The following HPSE2 variants were observed in gnomAD, a reference collection of about 807,000 sequenced individuals.
The protein encoded by HPSE2 is heparanase 2 (inactive).
Under a neutral mutation model 60.5 loss-of-function variants are expected in HPSE2, and 38 were observed. That is an observed-to-expected ratio of 0.63 (90% CI 0.48 to 0.82). The LOEUF is 0.82. Ranked by LOEUF, HPSE2 falls within the 40% of genes least tolerant of loss-of-function variation. The probability of loss-of-function intolerance (pLI) is 0.00; values close to 1 mark genes in which losing one functional copy is unlikely to be tolerated. For synonymous variants in HPSE2, 295 were observed against 293.2 expected, an observed-to-expected ratio of 1.01 and a Z score of -0.06; for missense variants, 713 against 740.4, an observed-to-expected ratio of 0.96 and a Z score of 0.43.
intron 9 of HPSE2, among the ~76,000 whole-genome samples, chr10:98,520,114 T>C (rs1942737725): frequency 6.6e-6 from 1 of 152,204 alleles, no homozygotes; most frequent in African/African-American, 2.4e-5. Flanking sequence ...CTGAAATGGC[T>C]ACAATGTGTG....
chr10:98,593,967 A>C (rs780266282), intron 9 of HPSE2, among the ~76,000 whole-genome samples: 7 of 152,190 alleles, frequency 4.6e-5, no homozygotes, highest in Non-Finnish European at 7.3e-5. Flanking sequence ...ATACTATTTA[A>C]ATATCTTTCA....
chr10:98,664,233 T>C (rs1947299813), intron 6 of HPSE2, among the ~76,000 whole-genome samples: 1 of 152,068 alleles, frequency 6.6e-6, no homozygotes. Context: ...TGGGCACAAC[T>C]GTGTTACCCT....
chr10:99,002,641 G>A (rs915626293), intron 3 of HPSE2, among the ~76,000 whole-genome samples: 8 of 152,022 alleles, frequency 5.3e-5, no homozygotes, highest in African/African-American at 1.9e-4. Context: ...AGCCTAAAGA[G>A]ACATGATGAC....
chr10:98,860,326 C>G lies in HPSE2; in HGVS notation c.611-116270G>C, dbSNP rs144239515. 6.9e-3 allele frequency among the ~76,000 whole-genome samples: 1,057 copies of G among 152,222 alleles called. 2 individuals are homozygous for G. The highest frequency in any genetic ancestry group is 0.024 in the Middle Eastern group (7 of 294). On this transcript the variant is annotated intron_variant, in intron 3 of 11. Coordinates refer to ENST00000370552, the MANE Select transcript of HPSE2 (RefSeq NM_021828.5). ...TATGCCTTGAATTCTTTTGAGAATT[C>G]TGGTGGCATTTCCAGCTGTGGAAGC... is the stretch of plus-strand genomic sequence containing the variant.
chr10:98,811,970 A>T (rs181080925), intron 3 of HPSE2, among the ~76,000 whole-genome samples: 3 of 152,230 alleles, frequency 2.0e-5, no homozygotes, highest in Admixed American at 2.0e-4. Context: ...TGTGATTGTT[A>T]ATTGTTAGGA....
intron 3 of HPSE2, among the ~76,000 whole-genome samples, chr10:98,925,533 C>A (rs368454246): frequency 6.6e-6 from 1 of 152,118 alleles, no homozygotes; most frequent in African/African-American, 2.4e-5. Flanking sequence ...AGAGTCTCAA[C>A]TAATACTGCA....
Position 98,703,883 on chromosome 10 carries a change from CT to C in HPSE2, c.957-9937del, listed in dbSNP as rs1357582665. 2.6e-5 allele frequency among the ~76,000 whole-genome samples: 4 copies of C among 152,180 alleles called. No homozygotes were observed. The South Asian group carries it at 6.2e-4, about 24-fold the overall frequency. On this transcript the variant is annotated intron_variant, in intron 5 of 11. Transcript: ENST00000370552. ...AAGACAAGGATGCCGTCTCTCACCA[CT>C]CCTATTCAACATAGTATTGGAAATT...
intron 3 of HPSE2, among the ~76,000 whole-genome samples, chr10:99,027,202 C>G (rs576449501): frequency 6.8e-6 from 1 of 147,144 alleles, no homozygotes; most frequent in Admixed American, 6.7e-5. Flanking sequence ...AAAAGTTAAA[C>G]AAAATTGACA....
intron 9 of HPSE2, among the ~76,000 whole-genome samples, chr10:98,545,683 C>T (rs1421169262): frequency 6.6e-6 from 1 of 151,998 alleles, no homozygotes; most frequent in Non-Finnish European, 1.5e-5. Context: ...TATGACAAAC[C>T]CACGCCAATA....
intron 6 of HPSE2, among the ~76,000 whole-genome samples, chr10:98,693,651 G>A (rs1229196149): frequency 6.6e-6 from 1 of 152,086 alleles, no homozygotes; most frequent in Admixed American, 6.5e-5. Context: ...AATTTAAAAG[G>A]GTACATAATA....
At chr10:99,134,337 C>T (rs1845560811) in intron 3 of HPSE2, among the ~76,000 whole-genome samples, 1 of 152,160 alleles carries the variant, frequency 6.6e-6, no homozygotes, top group Admixed American at 6.5e-5. Flanking sequence ...CCTAGCAAGA[C>T]AGCACAACAT....
chr10:99,080,306 C>A (rs1056101169), intron 3 of HPSE2, among the ~76,000 whole-genome samples: 25 of 151,992 alleles, frequency 1.6e-4, no homozygotes, highest in East Asian at 5.8e-4. Context: ...CCAAAAAAAA[C>A]CAATAATAGC....
At chr10:99,180,850 A>G (rs906634324) in intron 2 of HPSE2, among the ~76,000 whole-genome samples, 7 of 130,314 alleles carry the variant, frequency 5.4e-5, no homozygotes, top group Non-Finnish European at 6.3e-5. Flanking sequence ...AGACTGAGCC[A>G]CTGCACTCCA....
intron 3 of HPSE2, among the ~76,000 whole-genome samples, chr10:99,031,317 T>G (rs1957493666): frequency 6.6e-6 from 1 of 152,164 alleles, no homozygotes; most frequent in South Asian, 2.1e-4. Context: ...TGTGAAGAAT[T>G]TTCTATGTGG....
chr10:98,835,566 G>A (rs1411204031), intron 3 of HPSE2, among the ~76,000 whole-genome samples: 1 of 151,900 alleles, frequency 6.6e-6, no homozygotes, highest in East Asian at 1.9e-4. Context: ...GGTTATAAAG[G>A]TATTTACCTT....
At chr10:98,877,507 G>A (rs1298494689) in intron 3 of HPSE2, among the ~76,000 whole-genome samples, 2 of 151,632 alleles carry the variant, frequency 1.3e-5, no homozygotes, top group African/African-American at 2.4e-5. Context: ...TCGATAAAGT[G>A]GGAACAAAAA....
At chr10:99,044,249 C>T (rs1275535109) in intron 3 of HPSE2, among the ~76,000 whole-genome samples, 6 of 152,138 alleles carry the variant, frequency 3.9e-5, no homozygotes, top group Non-Finnish European at 8.8e-5. Context: ...TCATATCCTG[C>T]CAAACTAAGC....
chr10:98,677,213 A>G (rs1432503387), intron 6 of HPSE2, among the ~76,000 whole-genome samples: 2 of 152,226 alleles, frequency 1.3e-5, no homozygotes, highest in East Asian at 3.8e-4. Context: ...TCCCTTGTCT[A>G]TTCATAACAT....
chr10:98,637,867 G>A (rs778571967), intron 7 of HPSE2, among the ~76,000 whole-genome samples: 2 of 152,058 alleles, frequency 1.3e-5, no homozygotes, highest in South Asian at 4.1e-4. Flanking sequence ...GGCCAGGCAC[G>A]GTGGCTCACA....
Sources: allele counts gnomAD v4.1 joint callset (sites outside exome capture counted in the v4.1 genomes callset), GRCh38; gene constraint gnomAD v4.1.1; transcripts MANE v1.5; gene names NCBI Gene and HGNC (gene_info 2026-07-23, HGNC 2026-07-21).